The following RNF212B variants were observed in gnomAD, a reference collection of about 807,000 sequenced individuals.
RNF212B encodes E3 ubiquitin-protein ligase RNF212B.
Under a neutral mutation model 55.5 loss-of-function variants are expected in RNF212B, and 52 were observed. The observed-to-expected ratio is 0.94, with a 90% CI of 0.75 to 1.18. RNF212B has a LOEUF of 1.18. RNF212B is among the 50% of genes most tolerant of loss of function. RNF212B has a pLI of 0.00. For missense variants in RNF212B, 289 were observed against 350.4 expected (o/e 0.82, Z 1.40); for synonymous variants, 99 against 121.4 (o/e 0.82, Z 1.21).
chr14:23,220,236 A>AAACAAC (rs1881446146), intron 2 of RNF212B, among the ~76,000 whole-genome samples: 1 of 141,046 alleles, frequency 7.1e-6, no homozygotes, highest in African/African-American at 2.5e-5. Flanking sequence ...ACAAAAACAA[A>AAACAAC]AACCATACAA....
chr14:23,216,952 T>C lies in RNF212B; in HGVS notation c.-1-23393T>C, dbSNP rs138985009. Among the ~76,000 whole-genome samples, 72 of 146,592 alleles carry C rather than the reference T, an allele frequency of 4.9e-4. 1 individual carries two copies. In the South Asian group the frequency reaches 7.2e-3, roughly 15 times the overall value. ...TTGTATGATTCCACTTATACAACAT[T>C]TTAAATGATAAAATTATAGAACTGG... On this transcript the variant is annotated intron_variant, in intron 2 of 15. Coordinates refer to the RNF212B transcript ENST00000399910.
At chr14:23,267,510 C>A (rs1196010738) in intron 11 of RNF212B, among the ~76,000 whole-genome samples, 1 of 151,826 alleles carries the variant, frequency 6.6e-6, no homozygotes, top group Non-Finnish European at 1.5e-5. Flanking sequence ...CTCACTGCAA[C>A]CTCCTCCTCC....
chr14:23,212,951 T>C (rs1880675310), intron 2 of RNF212B, among the ~76,000 whole-genome samples: 1 of 152,136 alleles, frequency 6.6e-6, no homozygotes, highest in South Asian at 2.1e-4. Context: ...TCATTTATGA[T>C]AATATCAGCA....
intron 11 of RNF212B, among the ~76,000 whole-genome samples, chr14:23,266,408 T>G (rs1885699741): frequency 1.6e-5 from 2 of 121,818 alleles, no homozygotes; most frequent in Non-Finnish European, 3.5e-5. Flanking sequence ...TTAAATGTTT[T>G]TTTTTTTTTT....
intron 2 of RNF212B, among the ~76,000 whole-genome samples, chr14:23,197,241 G>A (rs748317625): frequency 1.3e-5 from 2 of 152,120 alleles, no homozygotes; most frequent in Non-Finnish European, 2.9e-5. Flanking sequence ...AAAATATAAC[G>A]AGAGGCCAGG....
chr14:23,230,469 A>G (rs1261557355), intron 2 of RNF212B, among the ~76,000 whole-genome samples: 1 of 151,996 alleles, frequency 6.6e-6, no homozygotes, highest in Non-Finnish European at 1.5e-5. Context: ...CCTGGCTAAC[A>G]CGGTGAAACC....
chr14:23,204,952 T>C (rs879890292), intron 2 of RNF212B, among the ~76,000 whole-genome samples: 1 of 152,168 alleles, frequency 6.6e-6, no homozygotes, highest in Non-Finnish European at 1.5e-5. Context: ...AAAGCACGTA[T>C]AGAAAGATAC....
chr14:23,226,586 G>A (rs1403010572), intron 2 of RNF212B, among the ~76,000 whole-genome samples: 1 of 151,978 alleles, frequency 6.6e-6, no homozygotes, highest in African/African-American at 2.4e-5. Context: ...AGCCGAGATC[G>A]CGCCACCACA....
At chr14:23,225,236 G>T (rs1013701339) in intron 2 of RNF212B, among the ~76,000 whole-genome samples, 1 of 152,176 alleles carries the variant, frequency 6.6e-6, no homozygotes, top group African/African-American at 2.4e-5. Context: ...CCACTGTGGA[G>T]AACAGTTTGG....
intron 1 of RNF212B, among the ~76,000 whole-genome samples, chr14:23,186,621 T>G (rs1877628857): frequency 6.6e-6 from 1 of 152,240 alleles, no homozygotes; most frequent in Admixed American, 6.5e-5. Flanking sequence ...GTGCTGGGAT[T>G]ACTCTATTCT....
At chr14:23,230,757 C>T (rs1251907460) in intron 2 of RNF212B, among the ~76,000 whole-genome samples, 2 of 147,818 alleles carry the variant, frequency 1.4e-5, no homozygotes, top group Non-Finnish European at 3.0e-5. Flanking sequence ...TTCACCCATA[C>T]ATTTAGGTCT....
rs7156827 is a variant in RNF212B at position 23,232,257 on chromosome 14, C to T, written c.-1-8088C>T. 8.5e-3 allele frequency among the ~76,000 whole-genome samples: 1,276 copies of T among 150,918 alleles called. 21 individuals are homozygous for T. Among genetic ancestry groups the T allele is most frequent in the African/African-American group, 0.03 (1,222 of 41,092 alleles). On this transcript the variant is annotated intron_variant, in intron 2 of 15. Transcript: ENST00000399910. ...GTGGGGAGCGCCTCTGCCCCGCCGC[C>T]CCATCTGGGATGTGAGGAGCGCCTC...
chr14:23,207,025 T>C (rs1284858715), intron 2 of RNF212B, among the ~76,000 whole-genome samples: 2 of 152,196 alleles, frequency 1.3e-5, no homozygotes, highest in Non-Finnish European at 2.9e-5. Flanking sequence ...GGGTGTGTTA[T>C]CCTTTTAATT....
intron 4 of RNF212B, among the ~76,000 whole-genome samples, chr14:23,256,261 G>T (rs1884824845): frequency 6.6e-6 from 1 of 151,966 alleles, no homozygotes; most frequent in Non-Finnish European, 1.5e-5. Context: ...CTAACATTGT[G>T]ATTTGGCTGT....
chr14:23,195,416 A>G (rs1484675128), intron 2 of RNF212B, among the ~76,000 whole-genome samples: 1 of 152,228 alleles, frequency 6.6e-6, no homozygotes, highest in Non-Finnish European at 1.5e-5. Flanking sequence ...CTCGTAGCCC[A>G]TCTTCACCAT....
intron 5 of RNF212B, among the ~76,000 whole-genome samples, chr14:23,259,000 A>G (rs975949729): frequency 6.6e-6 from 1 of 151,450 alleles, no homozygotes; most frequent in African/African-American, 2.4e-5. Context: ...TGGGCAACAC[A>G]GCGAGACTCT....
Position 23,240,269 on chromosome 14 carries a change from G to T in RNF212B, c.-1-76G>T, listed in dbSNP as rs1420782824. ...AGCTATCAGAAGCTAAGCAAGCACG[G>T]TTACATAGATTTTGGAACAGCTATA... On this transcript the variant is annotated intron_variant, in intron 1 of 14. Coordinates refer to ENST00000430154, the MANE Select transcript of RNF212B (RefSeq NM_001282322.3). The T allele has an allele frequency of 3.1e-6, 3 of 980,040 alleles. No homozygotes were observed. The Admixed American group carries it at 6.8e-5, about 22-fold the overall frequency. The allele number at this position is 980,040 out of a possible 1,614,324, so 60.7% of individuals were successfully genotyped here. A position where few individuals can be genotyped will look rare whatever the true frequency, so the allele number is the denominator to read the frequency against.
At chr14:23,206,367 C>G (rs1462576664) in intron 2 of RNF212B, among the ~76,000 whole-genome samples, 1 of 152,226 alleles carries the variant, frequency 6.6e-6, no homozygotes, top group African/African-American at 2.4e-5. Context: ...GCCACCGTGC[C>G]CGGCCTAGTC....
chr14:23,229,119 C>G lies in RNF212B; in HGVS notation c.-1-11226C>G, dbSNP rs189076977. Among the ~76,000 whole-genome samples the G allele has an allele frequency of 5.2e-3, 777 of 150,762 alleles. 11 individuals carry two copies. Among genetic ancestry groups the G allele is most frequent in the African/African-American group, 0.018 (736 of 41,106 alleles). ...TTCAGTGAGATTATACAATATTTCTCTTTTTGTGTCTGGCTTATTTCACTT... is the reference window on the plus strand; with the variant it reads ...TTCAGTGAGATTATACAATATTTCTGTTTTTGTGTCTGGCTTATTTCACTT... On this transcript the variant is annotated intron_variant, in intron 2 of 15. Coordinates refer to the RNF212B transcript ENST00000399910.
Sources: gnomAD v4.1 joint callset for allele counts (sites outside exome capture counted in the v4.1 genomes callset) on GRCh38, gnomAD v4.1.1 for gene constraint, MANE v1.5 for transcripts, NCBI Gene and HGNC (gene_info 2026-07-23, HGNC 2026-07-21) for gene names.